NPAS2: variants seen among roughly 807,000 people sequenced by gnomAD.
NPAS2 encodes neuronal PAS domain-containing protein 2.
NPAS2 carries 23 observed loss-of-function variants against 107.5 expected under a neutral mutation model. The observed-to-expected ratio is 0.21, with a 90% CI of 0.15 to 0.30. The LOEUF is 0.30. NPAS2 is among the 10% of genes least tolerant of loss of function. The pLI, the probability that NPAS2 is intolerant of heterozygous loss-of-function variation, is 1.00. For missense variants in NPAS2, 756 were observed against 1,043.3 expected (o/e 0.72, Z 3.79); for synonymous variants, 403 against 417.5 (o/e 0.97, Z 0.42).
chr2:100,882,033 T>C (rs1424492136), intron 1 of NPAS2, among the ~76,000 whole-genome samples: 2 of 152,252 alleles, frequency 1.3e-5, no homozygotes, highest in African/African-American at 4.8e-5. Flanking sequence ...TGGAGCCTGA[T>C]GCCATGGGAA....
In NPAS2 at chr2:100,886,135, A is replaced by G. The variant is rs182768396; in HGVS notation, c.-22-18598A>G. On this transcript the variant is annotated intron_variant, in intron 1 of 20. Transcript: ENST00000335681. ...AGGTGTATGATACTTTGTTAAGCAC[A>G]CTAATTGGCAGCTTGGAGTTTTGCA... Among the ~76,000 whole-genome samples, 512 of 152,364 alleles carry G rather than the reference A, an allele frequency of 3.4e-3. 1 individual carries two copies. The highest frequency in any genetic ancestry group is 7.0e-3 in the Admixed American group (107 of 15,310).
At chr2:100,887,190 C>A (rs1680749098) in intron 1 of NPAS2, among the ~76,000 whole-genome samples, 1 of 152,184 alleles carries the variant, frequency 6.6e-6, no homozygotes, top group Admixed American at 6.5e-5. Flanking sequence ...CTGAGACAAC[C>A]CCAATCCAGA....
At chr2:100,962,410 A>G (rs1184240707) in intron 7 of NPAS2, among the ~76,000 whole-genome samples, 2 of 152,206 alleles carry the variant, frequency 1.3e-5, no homozygotes, top group African/African-American at 4.8e-5. Flanking sequence ...TATGTTCCTC[A>G]TTAACTTGGA....
intron 15 of NPAS2, among the ~76,000 whole-genome samples, chr2:100,979,502 ATTTTTTTT>A (rs757799235): frequency 1.6e-3 from 70 of 43,310 alleles, no homozygotes; most frequent in African/African-American, 6.4e-3. Context: ...ATATATATAT[ATTTTTTTT>A]TTTTTTTTTT....
At chr2:100,897,829 C>T (rs1264218782) in intron 1 of NPAS2, among the ~76,000 whole-genome samples, 4 of 152,222 alleles carry the variant, frequency 2.6e-5, no homozygotes, top group South Asian at 2.1e-4. Flanking sequence ...ATGAGAGTAG[C>T]GGCTTTGCTC....
At chr2:100,819,503 C>A (rs1675923592), upstream of NPAS2, among the ~76,000 whole-genome samples, 1 of 152,152 alleles carries the variant, frequency 6.6e-6, no homozygotes, top group Non-Finnish European at 1.5e-5. This position sits in a 1 kb window ranked among gnomAD's most constrained non-coding sequence, Gnocchi z 5.8. Flanking sequence ...ACCCCCGCCG[C>A]TCATTGAGAA....
At chr2:100,901,943 G>C (rs1240116140) in intron 1 of NPAS2, among the ~76,000 whole-genome samples, 1 of 152,122 alleles carries the variant, frequency 6.6e-6, no homozygotes, top group African/African-American at 2.4e-5. Flanking sequence ...GGTAAAGGCT[G>C]TACGGCATCC....
intron 7 of NPAS2, among the ~76,000 whole-genome samples, chr2:100,963,186 G>A (rs1035208926): frequency 6.6e-6 from 1 of 152,220 alleles, no homozygotes. Context: ...GGGCTCCCAA[G>A]GGGGAGTTTC....
intron 2 of NPAS2, among the ~76,000 whole-genome samples, chr2:100,909,726 G>T (rs1479329877): frequency 7.2e-6 from 1 of 138,942 alleles, no homozygotes; most frequent in Non-Finnish European, 1.6e-5. Flanking sequence ...CATCTCTGAG[G>T]CTTCCTCTTT....
rs1573777768 is a variant in NPAS2 at position 100,977,756 on chromosome 2, T to G, written c.1439T>G (p.Leu480Arg). The change falls in exon 15 of 21, where the codon CTG (leucine) becomes CGG (arginine). Residue 480 changes from leucine to arginine, a missense_variant. Transcript: ENST00000335681. ...TCCTGCGACCTCACACAGCAGCTCC[T>G]GCCTCAGACCGTTCTGCAGAGCACG... Reference protein sequence around the residue: ...PSSCDLTQQLLPQTVLQSTPA... With the variant: ...PSSCDLTQQLRPQTVLQSTPA... The G allele has an allele frequency of 1.2e-6, 2 of 1,614,204 alleles. No homozygotes were observed. The highest frequency in any genetic ancestry group is 1.7e-6 in the Non-Finnish European group (2 of 1,180,038).
In NPAS2 at chr2:100,995,670, A is replaced by C; in HGVS notation, c.*88A>C. The C allele has an allele frequency of 6.4e-7, 1 of 1,552,438 alleles. No individual in the cohort carries two copies. Among genetic ancestry groups the C allele is most frequent in the East Asian group, 2.4e-5 (1 of 41,386 alleles). ...GGAGATGGGGAGAGGAGTCTGAACTAAACCCCTGGCTTTTGTGCACACTGC... is the reference window on the plus strand; with the variant it reads ...GGAGATGGGGAGAGGAGTCTGAACTCAACCCCTGGCTTTTGTGCACACTGC... On this transcript the variant is annotated 3_prime_UTR_variant, in exon 21 of 21. Coordinates refer to ENST00000335681, the MANE Select transcript of NPAS2 (RefSeq NM_002518.4).
intron 15 of NPAS2, among the ~76,000 whole-genome samples, chr2:100,979,559 G>A (rs1207957792): frequency 1.6e-5 from 2 of 128,528 alleles, no homozygotes; most frequent in Admixed American, 9.6e-5. Flanking sequence ...TTTTGCCCAG[G>A]CTGGAGTGCA....
chr2:100,965,604 G>T lies in NPAS2; in HGVS notation c.801-56G>T. ...ATTATGGAAAGGCATGGCCACCAGG[G>T]TGAGCCCTGCAGGGTGTCTCCTCCC... On this transcript the variant is annotated intron_variant, in intron 9 of 20. Transcript: ENST00000335681. The surrounding 1 kb of genome is among the most constrained non-coding windows in gnomAD (Gnocchi z 4.3). 1.7e-6 allele frequency: 2 copies of T among 1,151,326 alleles called. No individual in the cohort carries two copies. Among genetic ancestry groups the T allele is most frequent in the Non-Finnish European group, 1.3e-6 (1 of 771,366 alleles). The allele number at this position is 1,151,326 out of a possible 1,614,324, so 71.3% of individuals were successfully genotyped here. A position where few individuals can be genotyped will look rare whatever the true frequency, so the allele number is the denominator to read the frequency against.
In NPAS2 at chr2:100,924,540, T is replaced by A. The variant is rs189059238; in HGVS notation, c.33-606T>A. ...TGTTTAACTTTCCTCCATGTCATTTTAAAAAGTGTTCGTCTGCTCTTAGCA... is the reference window on the plus strand; with the variant it reads ...TGTTTAACTTTCCTCCATGTCATTTAAAAAAGTGTTCGTCTGCTCTTAGCA... On this transcript the variant is annotated intron_variant, in intron 2 of 20. Transcript: ENST00000335681. 4.5e-4 allele frequency among the ~76,000 whole-genome samples: 69 copies of A among 152,358 alleles called. 1 individual carries two copies. The East Asian group carries it at 9.5e-3, about 21-fold the overall frequency.
intron 1 of NPAS2, among the ~76,000 whole-genome samples, chr2:100,875,442 T>G (rs1355631684): frequency 6.8e-6 from 1 of 146,520 alleles, no homozygotes; most frequent in East Asian, 2.0e-4. Flanking sequence ...AAAAATAAAA[T>G]TTTTAAAAAT....
chr2:100,880,295 A>G (rs962439039), intron 1 of NPAS2, among the ~76,000 whole-genome samples: 1 of 152,230 alleles, frequency 6.6e-6, no homozygotes, highest in African/African-American at 2.4e-5. Flanking sequence ...AAATGAAAAC[A>G]TATGTCCCTG....
intron 15 of NPAS2, among the ~76,000 whole-genome samples, chr2:100,979,195 G>A (rs1573782818): frequency 2.0e-5 from 3 of 151,828 alleles, no homozygotes; most frequent in South Asian, 4.2e-4. Context: ...TACCCTTCTG[G>A]AATCTACTCA....
At chr2:100,905,179 G>A (rs115294243) in intron 2 of NPAS2, among the ~76,000 whole-genome samples, 2,152 of 152,244 alleles carry the variant, frequency 0.014, 19 homozygotes, top group Non-Finnish European at 0.025. Flanking sequence ...GGCTCTGTCT[G>A]GCTTTGGATA....
At chr2:100,853,989 AAAC>A (rs1678389906) in intron 1 of NPAS2, among the ~76,000 whole-genome samples, 2 of 151,284 alleles carry the variant, frequency 1.3e-5, no homozygotes, top group Admixed American at 1.3e-4. Flanking sequence ...AAAAAAAAAA[AAAC>A]ACAAAAAATT....
Sources: gnomAD v4.1 joint callset for allele counts (sites outside exome capture counted in the v4.1 genomes callset) on GRCh38, gnomAD v4.1.1 for gene constraint, Gnocchi (gnomAD v3.1) non-coding constraint, MANE v1.5 for transcripts, NCBI Gene and HGNC (gene_info 2026-07-23, HGNC 2026-07-21) for gene names.